Variants in SEMA5A observed in about 807,000 individuals in gnomAD.
The protein encoded by SEMA5A is semaphorin-5A.
In SEMA5A, 55 loss-of-function variants were observed where a neutral mutation model predicts 135.5. The observed-to-expected ratio is 0.41, with a 90% CI of 0.33 to 0.51. The LOEUF is 0.51. SEMA5A is among the 20% of genes least tolerant of loss of function. The pLI, the probability that SEMA5A is intolerant of heterozygous loss-of-function variation, is 0.37. For synonymous variants in SEMA5A, 580 were observed against 546.5 expected (o/e 1.06, Z -0.85); for missense variants, 1,290 against 1,419.9 (o/e 0.91, Z 1.47).
At chr5:9,466,228 G>C (rs1759255222) in intron 1 of SEMA5A, among the ~76,000 whole-genome samples, 1 of 151,444 alleles carries the variant, frequency 6.6e-6, no homozygotes, top group Admixed American at 6.6e-5. Context: ...GTGGGGTGAG[G>C]GGAAGGGGGA....
chr5:9,291,636 C>T (rs879834843), intron 5 of SEMA5A, among the ~76,000 whole-genome samples: 2 of 151,838 alleles, frequency 1.3e-5, no homozygotes, highest in African/African-American at 4.8e-5. Flanking sequence ...GAGACAGAGA[C>T]AGATACCAAG....
chr5:9,186,326 C>A (rs1744807375), intron 11 of SEMA5A, among the ~76,000 whole-genome samples: 1 of 152,186 alleles, frequency 6.6e-6, no homozygotes, highest in South Asian at 2.1e-4. Flanking sequence ...AGATGAACTA[C>A]ACCAGCAAGA....
intron 1 of SEMA5A, among the ~76,000 whole-genome samples, chr5:9,514,698 C>T (rs1736410137): frequency 6.6e-6 from 1 of 152,168 alleles, no homozygotes; most frequent in South Asian, 2.1e-4. Flanking sequence ...ACAGATAGAA[C>T]CACCCTTTTA....
At chr5:9,154,767 T>C (rs1451151146) in intron 11 of SEMA5A, 72 bp from the exon 12 acceptor site, 1 of 1,339,290 alleles carries the variant, frequency 7.5e-7, no homozygotes. Context: ...TTAAACAGAG[T>C]GTGCTGTGTA....
chr5:9,081,999 A>C (rs1738413676), intron 16 of SEMA5A, among the ~76,000 whole-genome samples: 1 of 152,174 alleles, frequency 6.6e-6, no homozygotes, highest in African/African-American at 2.4e-5. Flanking sequence ...TCTTGGGTTA[A>C]AGAAAGTTAA....
intron 11 of SEMA5A, among the ~76,000 whole-genome samples, chr5:9,163,426 G>A (rs1052895503): frequency 3.3e-5 from 5 of 152,100 alleles, no homozygotes; most frequent in Middle Eastern, 3.2e-3. Flanking sequence ...TGCTCTGGGG[G>A]AAAATAGCTG....
chr5:9,099,719 C>T (rs1739517871), intron 16 of SEMA5A, among the ~76,000 whole-genome samples: 2 of 152,220 alleles, frequency 1.3e-5, no homozygotes, highest in Admixed American at 6.5e-5. Flanking sequence ...ATGATTTTGA[C>T]TCAGACTAGC....
intron 1 of SEMA5A, among the ~76,000 whole-genome samples, chr5:9,483,641 A>T (rs1262953940): frequency 6.6e-6 from 1 of 152,164 alleles, no homozygotes. Context: ...CACAATACGG[A>T]TCCTGAGTTT....
intron 18 of SEMA5A, among the ~76,000 whole-genome samples, chr5:9,056,939 C>T (rs752191765): frequency 2.2e-4 from 34 of 152,140 alleles, no homozygotes; most frequent in Non-Finnish European, 4.1e-4. Flanking sequence ...AAATACTATT[C>T]AACCTTAAAA....
chr5:9,088,659 T>TATATATATATATATATACACACACACAC, intron 16 of SEMA5A, among the ~76,000 whole-genome samples: 18 of 112,862 alleles, frequency 1.6e-4, no homozygotes, highest in African/African-American at 5.1e-4. Context: ...TATATATATA[T>TATATATATATATATATACACACACACAC]ACACACACAC....
At chr5:9,085,776 A>G (rs946125190) in intron 16 of SEMA5A, among the ~76,000 whole-genome samples, 4 of 152,132 alleles carry the variant, frequency 2.6e-5, no homozygotes, top group African/African-American at 9.7e-5. Flanking sequence ...CCATCCTCAG[A>G]CCCAAGAATG....
At chr5:9,050,631 TGATATG>T (rs1736519442) in intron 20 of SEMA5A, among the ~76,000 whole-genome samples, 174 bp from the exon 21 acceptor site, 1 of 152,370 alleles carries the variant, frequency 6.6e-6, no homozygotes, top group East Asian at 1.9e-4. Flanking sequence ...TTAACCAACC[TGATATG>T]GATTTGGCCA....
chr5:9,545,275 AG>A lies in SEMA5A; in HGVS notation c.-175+308del, dbSNP rs572179868. ...GTGCGCACCTTTCCGGGTGTTGGGC[AG>A]GGGTCCCGTCTCGCCCACCGCGACA... is the stretch of plus-strand genomic sequence containing the variant. On this transcript the variant is annotated intron_variant, in intron 1 of 22. Coordinates refer to ENST00000382496, the MANE Select transcript of SEMA5A (RefSeq NM_003966.3). The surrounding 1 kb of genome is among the most constrained non-coding windows in gnomAD (Gnocchi z 4.5). Among the ~76,000 whole-genome samples the A allele has an allele frequency of 5.2e-4, 79 of 152,040 alleles. No individual in the cohort carries two copies. The highest frequency in any genetic ancestry group is 9.7e-4 in the Non-Finnish European group (66 of 67,958).
In SEMA5A at chr5:9,337,806, C is replaced by T; in HGVS notation, c.131G>A (p.Gly44Asp). 1 of 1,593,772 alleles carries T rather than the reference C, an allele frequency of 6.3e-7. No individual in the cohort carries two copies. Among genetic ancestry groups the T allele is most frequent in the Non-Finnish European group, 8.6e-7 (1 of 1,167,834 alleles). The change falls in exon 4 of 23, where the codon GGC becomes GAC. Residue 44 changes from glycine to aspartate, a missense_variant. Transcript: ENST00000382496. ...CGCTCTGAACTCCCGTAACCAGGGG[C>T]CAATTTCTAAATAGAAAAAATAAAT... The part of the protein sequence containing the change: ...EHPVISYKEI[G>D]PWLREFRAKN...
chr5:9,474,124 C>T (rs1352580308), intron 1 of SEMA5A, among the ~76,000 whole-genome samples: 1 of 152,060 alleles, frequency 6.6e-6, no homozygotes, highest in Non-Finnish European at 1.5e-5. Flanking sequence ...TAATAAAAGG[C>T]AAGGATGCTG....
intron 11 of SEMA5A, among the ~76,000 whole-genome samples, chr5:9,176,548 A>G (rs1744215037): frequency 6.6e-6 from 1 of 152,198 alleles, no homozygotes; most frequent in African/African-American, 2.4e-5. Context: ...ATTGCTAAGA[A>G]TATGATAATA....
intron 5 of SEMA5A, among the ~76,000 whole-genome samples, chr5:9,279,299 G>C (rs1481740933): frequency 1.3e-5 from 2 of 152,044 alleles, no homozygotes; most frequent in Admixed American, 6.6e-5. Context: ...CCTTTGTTTT[G>C]GCCAATTTCT....
intron 9 of SEMA5A, among the ~76,000 whole-genome samples, chr5:9,200,076 G>A (rs528785031): frequency 2.6e-5 from 4 of 152,286 alleles, no homozygotes; most frequent in Admixed American, 6.5e-5. Flanking sequence ...CCTTGTCTGA[G>A]ACATGAAAAG....
chr5:9,108,197 G>A lies in SEMA5A; in HGVS notation c.2016C>T (p.Gly672=), dbSNP rs918284830. 6 of 1,614,150 alleles carry A rather than the reference G, an allele frequency of 3.7e-6. No individual in the cohort carries two copies. The highest frequency in any genetic ancestry group is 1.7e-5 in the Admixed American group (1 of 60,020). ...CACAGATCCTGCGGCGAGCTTGAAT[G>A]CCACCCCCGCATTGGGCTGTGCACC... is the stretch of plus-strand genomic sequence containing the variant. ...WERCTAQCGG[G]IQARRRICEN... The change falls in exon 16 of 23, where the codon GGC becomes GGT. Residue 672 remains glycine, a synonymous_variant. Coordinates refer to ENST00000382496, the MANE Select transcript of SEMA5A (RefSeq NM_003966.3).
Sources: gnomAD v4.1 joint callset for allele counts (sites outside exome capture counted in the v4.1 genomes callset) on GRCh38, gnomAD v4.1.1 for gene constraint, Gnocchi (gnomAD v3.1) non-coding constraint, MANE v1.5 for transcripts, NCBI Gene and HGNC (gene_info 2026-07-23, HGNC 2026-07-21) for gene names.